PTPRM: variants seen among roughly 807,000 people sequenced by gnomAD.
PTPRM encodes the protein protein tyrosine phosphatase receptor type M.
Under a neutral mutation model 186.7 loss-of-function variants are expected in PTPRM, and 47 were observed. The ratio of observed to expected loss-of-function variants is 0.25; its 90% CI spans 0.20 to 0.32. PTPRM has a LOEUF of 0.32. Among genes scored for constraint, PTPRM ranks in the 10% least tolerant of loss-of-function variants. The pLI is 1.00. For missense variants in PTPRM, 1,494 were observed against 1,865.0 expected (o/e 0.80, Z 3.66); for synonymous variants, 668 against 674.9 (o/e 0.99, Z 0.16).
At chr18:8,108,883 G>T (rs770786683) in intron 11 of PTPRM, among the ~76,000 whole-genome samples, 4 of 152,158 alleles carry the variant, frequency 2.6e-5, no homozygotes, top group Non-Finnish European at 5.9e-5. Flanking sequence ...CCAGAATAAT[G>T]GTAGGACAGG....
At chr18:8,219,384 G>A (rs1033643210) in intron 14 of PTPRM, among the ~76,000 whole-genome samples, 8 of 151,838 alleles carry the variant, frequency 5.3e-5, no homozygotes, top group Non-Finnish European at 1.0e-4. Context: ...GGAGAATGGC[G>A]TGAACCCAGG....
chr18:7,713,659 T>C (rs940465489), intron 1 of PTPRM, among the ~76,000 whole-genome samples: 1 of 89,008 alleles, frequency 1.1e-5, no homozygotes, highest in East Asian at 3.0e-4. Flanking sequence ...AGGCTCAAAA[T>C]AAAGGGATAG....
chr18:8,239,411 G>A (rs2094390869), intron 14 of PTPRM, among the ~76,000 whole-genome samples: 1 of 152,054 alleles, frequency 6.6e-6, no homozygotes, highest in Non-Finnish European at 1.5e-5. Context: ...CTGGAGGCCT[G>A]AGGGGATTTG....
chr18:8,404,474 G>A (rs2095891301), intron 32 of PTPRM: 1 of 152,130 alleles, frequency 6.6e-6, no homozygotes, highest in South Asian at 2.1e-4. Context: ...GTCAGTTCTG[G>A]GCTAGAGACT....
At chr18:7,641,122 A>G (rs2038432936) in intron 1 of PTPRM, among the ~76,000 whole-genome samples, 1 of 152,192 alleles carries the variant, frequency 6.6e-6, no homozygotes, top group East Asian at 1.9e-4. Flanking sequence ...CTAAAGCTTG[A>G]TTCAGGACCT....
intron 23 of PTPRM, among the ~76,000 whole-genome samples, chr18:8,353,929 C>T (rs141374833): frequency 4.6e-5 from 7 of 152,146 alleles, no homozygotes; most frequent in Middle Eastern, 3.4e-3. Context: ...GAGTATAATG[C>T]GGCTGGGCGC....
intron 2 of PTPRM, among the ~76,000 whole-genome samples, chr18:7,880,525 C>T (rs78069806): frequency 0.043 from 6,613 of 152,186 alleles, 296 homozygotes; most frequent in African/African-American, 0.1. Context: ...ATAGAAGAGG[C>T]AGTAGCTTAG....
chr18:8,255,506 A>G (rs1392471167), intron 19 of PTPRM, among the ~76,000 whole-genome samples: 1 of 152,248 alleles, frequency 6.6e-6, no homozygotes, highest in Admixed American at 6.5e-5. Flanking sequence ...AGTTCTCAAA[A>G]TAAAGTGTTG....
At chr18:8,293,102 C>T (rs2147855791) in intron 19 of PTPRM, among the ~76,000 whole-genome samples, 1 of 152,280 alleles carries the variant, frequency 6.6e-6, no homozygotes, top group Non-Finnish European at 1.5e-5. Flanking sequence ...TTCATCTGCA[C>T]ATACTTTTGA....
intron 1 of PTPRM, among the ~76,000 whole-genome samples, chr18:7,629,170 T>C (rs2038131451): frequency 6.6e-6 from 1 of 152,210 alleles, no homozygotes; most frequent in South Asian, 2.1e-4. Context: ...TTGTAAGATA[T>C]TATTGAACTA....
At chr18:7,630,968 G>T (rs1230297771) in intron 1 of PTPRM, among the ~76,000 whole-genome samples, 8 of 152,154 alleles carry the variant, frequency 5.3e-5, no homozygotes, top group African/African-American at 1.9e-4. Context: ...CCATGTGAAA[G>T]TGAGAGCCTG....
intron 20 of PTPRM, among the ~76,000 whole-genome samples, chr18:8,299,806 A>G (rs77830027): frequency 0.027 from 4,161 of 152,274 alleles, 178 homozygotes; most frequent in South Asian, 0.099. Flanking sequence ...GGGTCTGACT[A>G]TGTTCCAGGG....
intron 20 of PTPRM, among the ~76,000 whole-genome samples, chr18:8,300,084 A>G (rs2095140006): frequency 6.6e-6 from 1 of 152,110 alleles, no homozygotes; most frequent in Admixed American, 6.5e-5. Flanking sequence ...ACCTCCTACC[A>G]CCATGAATTT....
chr18:7,951,729 T>C (rs1036529031), intron 6 of PTPRM, among the ~76,000 whole-genome samples: 10 of 152,226 alleles, frequency 6.6e-5, no homozygotes, highest in Non-Finnish European at 1.3e-4. Flanking sequence ...ATATTTTGTA[T>C]ATAGATATAT....
At chr18:7,978,103 G>T (rs547758204) in intron 7 of PTPRM, among the ~76,000 whole-genome samples, 6 of 152,144 alleles carry the variant, frequency 3.9e-5, no homozygotes, top group African/African-American at 1.2e-4. Context: ...TCCTCTCAGC[G>T]CACTTTGCTT....
intron 19 of PTPRM, chr18:8,270,150 C>G (rs943638111): frequency 2.0e-5 from 3 of 151,380 alleles, no homozygotes; most frequent in Non-Finnish European, 4.4e-5. Flanking sequence ...AAGCAACCTA[C>G]AGAATGAGAG....
At chr18:8,033,099 G>A (rs1204699009) in intron 7 of PTPRM, among the ~76,000 whole-genome samples, 2 of 151,670 alleles carry the variant, frequency 1.3e-5, no homozygotes, top group African/African-American at 2.4e-5. Flanking sequence ...TAAAAGAGAA[G>A]GACAAATGAC....
intron 1 of PTPRM, among the ~76,000 whole-genome samples, chr18:7,643,508 T>C (rs1026100757): frequency 6.6e-6 from 1 of 151,770 alleles, no homozygotes; most frequent in Non-Finnish European, 1.5e-5. Flanking sequence ...CCTGGCTAAT[T>C]TTTTTGTATT....
chr18:7,639,163 C>T (rs1338120129), intron 1 of PTPRM, among the ~76,000 whole-genome samples: 1 of 152,184 alleles, frequency 6.6e-6, no homozygotes, highest in Non-Finnish European at 1.5e-5. Context: ...CAAGCTCCAC[C>T]TCCAGGGTTC....
Sources: gnomAD v4.1 joint callset for allele counts (sites outside exome capture counted in the v4.1 genomes callset) on GRCh38, gnomAD v4.1.1 for gene constraint, MANE v1.5 for transcripts, NCBI Gene and HGNC (gene_info 2026-07-23, HGNC 2026-07-21) for gene names.